MED15: variants seen among roughly 807,000 people sequenced by gnomAD.
The protein encoded by MED15 is mediator of RNA polymerase II transcription subunit 15.
In MED15, 41 loss-of-function variants were observed where a neutral mutation model predicts 118.7. The ratio of observed to expected loss-of-function variants is 0.35; its 90% confidence interval spans 0.27 to 0.45. The LOEUF (loss-of-function observed/expected upper bound fraction) is 0.45. MED15 is among the 20% of genes least tolerant of loss of function. The pLI is 1.00. For synonymous variants in MED15, 436 were observed against 413.9 expected, an observed-to-expected ratio of 1.05 and a Z score of -0.65; for missense variants, 740 against 1,025.5, an observed-to-expected ratio of 0.72 and a Z score of 3.80.
chr22:20,516,634 C>G (rs2054267789), intron 1 of MED15, among the ~76,000 whole-genome samples: 1 of 152,052 alleles, frequency 6.6e-6, no homozygotes, highest in South Asian at 2.1e-4. Flanking sequence ...TGTGGCCAGT[C>G]AAGGACCCAT....
At chr22:20,549,870 G>C (rs2055701938) in intron 2 of MED15, among the ~76,000 whole-genome samples, 1 of 152,230 alleles carries the variant, frequency 6.6e-6, no homozygotes, top group Non-Finnish European at 1.5e-5. Context: ...CTGGCAGTGG[G>C]TCTTGCTCAG....
chr22:20,578,933 T>G (rs1413218597), intron 9 of MED15, among the ~76,000 whole-genome samples: 1 of 152,246 alleles, frequency 6.6e-6, no homozygotes, highest in African/African-American at 2.4e-5. Flanking sequence ...GGCTCATGGC[T>G]GCATCTTCCT....
chr22:20,582,925 C>G lies in MED15; in HGVS notation c.1495C>G (p.Gln499Glu). Residue 499 changes from glutamine (Q) to glutamate (E), a missense_variant, in exon 11 of 18, where the codon CAG (glutamine) becomes GAG (glutamate). Around this residue, in one of 7 missense-constraint regions of MED15, gnomAD observed 384 missense variants for 506.3 expected, o/e 0.76. Transcript: ENST00000263205. ...GAGCCCAGTGACGGCGCGGACCCCA[C>G]AGAACTTCAGTGTCCCCTCACCTGG... ...SQSPVTARTP[Q>E]NFSVPSPGPL... 6.2e-7 allele frequency: 1 copy of G among 1,613,778 alleles called. No individual in the cohort carries two copies. Among genetic ancestry groups the G allele is most frequent in the Non-Finnish European group, 8.5e-7 (1 of 1,180,006 alleles).
intron 2 of MED15, among the ~76,000 whole-genome samples, chr22:20,543,267 A>G (rs1483565236): frequency 8.1e-6 from 1 of 123,810 alleles, no homozygotes; most frequent in Non-Finnish European, 1.6e-5. Flanking sequence ...GCTGGAGTGC[A>G]GTGGCGTGAT....
At chr22:20,520,599 C>T (rs1248878263) in intron 1 of MED15, among the ~76,000 whole-genome samples, 2 of 152,202 alleles carry the variant, frequency 1.3e-5, no homozygotes, top group Admixed American at 6.5e-5. Context: ...GTGAACGACA[C>T]GCATACTTCC....
At chr22:20,585,396 T>C in intron 16 of MED15, 129 bp downstream of exon 16, 1 of 1,242,354 alleles carries the variant, frequency 8.0e-7, no homozygotes, top group Non-Finnish European at 1.1e-6. Flanking sequence ...CCAGGCTGTC[T>C]GCTCTATCCT....
In MED15 at chr22:20,566,831, G is replaced by A. The variant is rs755018701; in HGVS notation, c.1041+14G>A. The A allele has an allele frequency of 6.2e-7, 1 of 1,611,008 alleles. No individual in the cohort carries two copies. Among genetic ancestry groups the A allele is most frequent in the East Asian group, 2.2e-5 (1 of 44,826 alleles). On this transcript the variant is annotated intron_variant, in intron 7 of 17. Coordinates refer to ENST00000263205, the MANE Select transcript of MED15 (RefSeq NM_001003891.3). ...CCACTGAAATTTGTGAGTACCTGTG[G>A]CCCACAGTGGAGCACATGCAGCCCG...
rs560133618 is a variant in MED15, at chr22:20,548,523, A to G, written c.157-2913A>G. Among the ~76,000 whole-genome samples the G allele has an allele frequency of 8.5e-5, 13 of 152,310 alleles. No homozygotes were observed. In the South Asian group the frequency reaches 2.3e-3, roughly 27 times the overall value. On this transcript the variant is annotated intron_variant, in intron 2 of 17. Coordinates refer to ENST00000263205, the MANE Select transcript of MED15 (RefSeq NM_001003891.3). Reference sequence around the variant, plus strand: ...TTATGTGCTTCTGAAGTGAAAACCCATAACACTGTGGATTTAGAGAGGGCA... The same window carrying G: ...TTATGTGCTTCTGAAGTGAAAACCCGTAACACTGTGGATTTAGAGAGGGCA...
chr22:20,542,256 A>T (rs746256198), intron 2 of MED15, among the ~76,000 whole-genome samples: 1 of 152,258 alleles, frequency 6.6e-6, no homozygotes, highest in Non-Finnish European at 1.5e-5. Context: ...TCCACACAAA[A>T]ATATATACAC....
chr22:20,510,775 A>G lies in MED15; in HGVS notation c.68+3029A>G, dbSNP rs2054036243. ...TATCCTGCTTTTCAGGGCTCAGATTAGATTTAGTGCACACAGAGAAGCCAG... is the reference window on the plus strand; with the variant it reads ...TATCCTGCTTTTCAGGGCTCAGATTGGATTTAGTGCACACAGAGAAGCCAG... On this transcript the variant is annotated intron_variant, in intron 1 of 17. Coordinates refer to ENST00000263205, the MANE Select transcript of MED15 (RefSeq NM_001003891.3). 2.0e-5 allele frequency among the ~76,000 whole-genome samples: 3 copies of G among 152,222 alleles called. No individual in the cohort carries two copies. The South Asian group carries it at 6.2e-4, about 31-fold the overall frequency.
At chr22:20,568,725 G>T (rs1344248496) in intron 8 of MED15, 94 bp downstream of exon 8, 45 of 1,523,514 alleles carry the variant, frequency 3.0e-5, no homozygotes, top group Non-Finnish European at 3.9e-5. Flanking sequence ...GTTGGATTAG[G>T]GGCTGGGGGC....
intron 5 of MED15, among the ~76,000 whole-genome samples, chr22:20,564,147 T>C (rs777353984): frequency 6.7e-4 from 102 of 152,338 alleles, no homozygotes; most frequent in Admixed American, 1.8e-3. Context: ...GGCCAATCCA[T>C]AGAGACAGAG....
rs190541372 is a variant in MED15 at position 20,514,236 on chromosome 22, T to C, written c.68+6490T>C. The stretch of plus-strand genomic sequence containing the variant: ...GGATAAGCCACCCTTAGAACCAATT[T>C]AACTGGCCTTTTTGGGGCTTGGACC... On this transcript the variant is annotated intron_variant, in intron 1 of 17. Coordinates refer to ENST00000263205, the MANE Select transcript of MED15 (RefSeq NM_001003891.3). 8.5e-5 allele frequency among the ~76,000 whole-genome samples: 13 copies of C among 152,268 alleles called. No individual in the cohort carries two copies. In the East Asian group the frequency reaches 2.3e-3, roughly 27 times the overall value.
chr22:20,549,664 G>T (rs2055693951), intron 2 of MED15, among the ~76,000 whole-genome samples: 1 of 152,192 alleles, frequency 6.6e-6, no homozygotes, highest in African/African-American at 2.4e-5. Flanking sequence ...AAGCTCCTTG[G>T]CTGGCAGCAT....
chr22:20,587,556 T>G lies in MED15; in HGVS notation c.*852T>G. The G allele has an allele frequency of 2.8e-6, 1 of 363,408 alleles. No individual in the cohort carries two copies. Among genetic ancestry groups the G allele is most frequent in the Non-Finnish European group, 4.8e-6 (1 of 206,214 alleles). The allele number at this position is 363,408 out of a possible 1,614,324, so 22.5% of individuals were successfully genotyped here. A position where few individuals can be genotyped will look rare whatever the true frequency, so the allele number is the denominator to read the frequency against. On this transcript the variant is annotated 3_prime_UTR_variant, in exon 18 of 18. Transcript: ENST00000263205. ...GCCAGCACCCTCTGGTGAGAAGAGGTCCCCCCTTTTTATGTGCACTACCCC... is the reference window on the plus strand; with the variant it reads ...GCCAGCACCCTCTGGTGAGAAGAGGGCCCCCCTTTTTATGTGCACTACCCC...
intron 1 of MED15, among the ~76,000 whole-genome samples, chr22:20,529,178 G>A (rs1416347318): frequency 1.3e-5 from 2 of 152,232 alleles, no homozygotes; most frequent in South Asian, 2.1e-4. Context: ...GTTTTAGTCA[G>A]GTTTTAAGAT....
Position 20,584,393 on chromosome 22 carries a change from G to A in MED15, c.1771G>A (p.Ala591Thr). ...PLKTLQKCEIALEKLKNDMAV... is the reference protein window; with the variant it reads ...PLKTLQKCEITLEKLKNDMAV... ...GAAGACCTTGCAAAAGTGTGAGATC[G>A]CCCTGGAGAAACTCAAGAATGACAT... The change falls in exon 14 of 18, where the codon GCC becomes ACC. Residue 591 changes from alanine to threonine, a missense_variant. Ala to Thr is a moderately conservative substitution (Grantham distance 58). Transcript: ENST00000263205. 1 of 1,613,736 alleles carries A rather than the reference G, an allele frequency of 6.2e-7. No individual in the cohort carries two copies. Among genetic ancestry groups the A allele is most frequent in the Non-Finnish European group, 8.5e-7 (1 of 1,179,824 alleles).
chr22:20,566,520 ACAGCAACAGCAGCAGCAGCAGCAGCAG>A lies in MED15; in HGVS notation c.750_776del (p.Gln254_Gln262del), dbSNP rs2056446009. 6.2e-7 allele frequency: 1 copy of A among 1,603,492 alleles called. No homozygotes were observed. The highest frequency in any genetic ancestry group is 1.1e-5 in the South Asian group (1 of 90,406). On this transcript the variant is annotated inframe_deletion, in exon 7 of 18. Coordinates refer to ENST00000263205, the MANE Select transcript of MED15 (RefSeq NM_001003891.3). ...GAATAGCACAGCTGCAGCTCCAACA[ACAGCAACAGCAGCAGCAGCAGCAGCAG>A]CAGCAGCAGCAGCAGGCTTTGCAGG...
At chr22:20,528,522 G>A (rs2054739699) in intron 1 of MED15, among the ~76,000 whole-genome samples, 1 of 152,222 alleles carries the variant, frequency 6.6e-6, no homozygotes, top group Non-Finnish European at 1.5e-5. Context: ...GCAGAGCTCA[G>A]GCAGTAATGC....
Sources: allele counts gnomAD v4.1 joint callset (sites outside exome capture counted in the v4.1 genomes callset), GRCh38; gene constraint gnomAD v4.1.1; regional missense constraint gnomAD v4.1.1; transcripts MANE v1.5; gene names NCBI Gene and HGNC (gene_info 2026-07-23, HGNC 2026-07-21).